ATP2C2: variants seen among roughly 807,000 people sequenced by gnomAD.
ATP2C2 encodes calcium-transporting ATPase type 2C member 2.
Under a neutral mutation model 110.8 loss-of-function variants are expected in ATP2C2, and 171 were observed. That is an observed-to-expected ratio of 1.54 (90% confidence interval 1.36 to 1.75). The LOEUF (loss-of-function observed/expected upper bound fraction) is 1.75. Among genes scored for constraint, ATP2C2 ranks in the 40% most tolerant of loss-of-function variants. The pLI is 0.00. For synonymous variants in ATP2C2, 804 were observed against 508.4 expected (o/e 1.58, Z -7.82); for missense variants, 1,963 against 1,235.0 (o/e 1.59, Z -8.84).
Position 84,428,333 on chromosome 16 carries a change from G to C in ATP2C2, c.986+2532G>C, listed in dbSNP as rs546709065. 7.2e-5 allele frequency among the ~76,000 whole-genome samples: 11 copies of C among 152,360 alleles called. No homozygotes were observed. In the South Asian group the frequency reaches 2.1e-3, roughly 29 times the overall value. Reference sequence around the variant, plus strand: ...ATTAGTAGTAGAAGAGATTCCAAATGCCTTATTTTTTCAACGACACTGCAT... The same window carrying C: ...ATTAGTAGTAGAAGAGATTCCAAATCCCTTATTTTTTCAACGACACTGCAT... On this transcript the variant is annotated intron_variant, in intron 11 of 26. Transcript: ENST00000262429.
At chr16:84,380,562 A>G (rs1910515679) in intron 1 of ATP2C2, among the ~76,000 whole-genome samples, 1 of 152,130 alleles carries the variant, frequency 6.6e-6, no homozygotes, top group Non-Finnish European at 1.5e-5. Flanking sequence ...TAATCAGGTC[A>G]CTGTTTGCTT....
chr16:84,416,971 C>T (rs947704982), intron 7 of ATP2C2, among the ~76,000 whole-genome samples: 1 of 152,156 alleles, frequency 6.6e-6, no homozygotes, highest in Non-Finnish European at 1.5e-5. Context: ...GAGAAGGACA[C>T]AGGTCCGCCA....
intron 6 of ATP2C2, 67 bp from the exon 7 acceptor site, chr16:84,415,416 A>G: frequency 2.4e-6 from 3 of 1,272,102 alleles, no homozygotes; most frequent in Admixed American, 3.4e-5. Flanking sequence ...CCTTGTTCAA[A>G]TGTATCAAGG....
intron 7 of ATP2C2, among the ~76,000 whole-genome samples, chr16:84,420,716 A>C (rs1220516517): frequency 6.6e-6 from 1 of 151,824 alleles, no homozygotes; most frequent in East Asian, 1.9e-4. Flanking sequence ...CCAGGATCCT[A>C]CCTGACATTT....
chr16:84,402,385 C>T (rs1307968465), intron 2 of ATP2C2, among the ~76,000 whole-genome samples: 1 of 152,156 alleles, frequency 6.6e-6, no homozygotes, highest in African/African-American at 2.4e-5. Flanking sequence ...AAGTGGGTAT[C>T]CTACGGGAAA....
intron 13 of ATP2C2, among the ~76,000 whole-genome samples, chr16:84,440,191 GGT>G (rs1909115743): frequency 6.6e-6 from 1 of 152,302 alleles, no homozygotes; most frequent in Admixed American, 6.5e-5. Flanking sequence ...GCAGTGCAGT[GGT>G]GCAATCATGG....
chr16:84,435,010 G>A (rs993181881), intron 11 of ATP2C2, among the ~76,000 whole-genome samples: 2 of 152,318 alleles, frequency 1.3e-5, no homozygotes, highest in East Asian at 1.9e-4. Context: ...TGTAGAAACC[G>A]GGCACAGCCC....
intron 15 of ATP2C2, 80 bp downstream of exon 15, chr16:84,442,679 G>C (rs1236947079): frequency 1.5e-6 from 2 of 1,358,440 alleles, no homozygotes; most frequent in Non-Finnish European, 2.1e-6. Flanking sequence ...GCTCCTGTCT[G>C]AGCTAACAGG....
At position 84,460,684 on chromosome 16, in the gene ATP2C2, C is replaced by T. The variant is rs371079891; in HGVS notation, c.2364C>T (p.Ala788=). The change falls in exon 24 of 27, where the codon GCC becomes GCT. Residue 788 remains alanine (A), a synonymous_variant. Transcript: ENST00000262429. ...GGGTAGAGCCCGTTGACAAAGACGCCTTCAGGCAGCCACCACGGAGTGTGC... is the reference window on the plus strand; with the variant it reads ...GGGTAGAGCCCGTTGACAAAGACGCTTTCAGGCAGCCACCACGGAGTGTGC... ...SLGVEPVDKD[A]FRQPPRSVRD... 5.0e-6 allele frequency: 8 copies of T among 1,614,216 alleles called. No homozygotes were observed. The highest frequency in any genetic ancestry group is 1.6e-4 in the Middle Eastern group (1 of 6,062).
chr16:84,428,190 A>C (rs1298242399), intron 11 of ATP2C2, among the ~76,000 whole-genome samples: 1 of 152,206 alleles, frequency 6.6e-6, no homozygotes, highest in East Asian at 1.9e-4. Flanking sequence ...ATCTTGCTTT[A>C]AGGGTTGAGT....
chr16:84,453,719 C>G (rs1404381421), intron 20 of ATP2C2, among the ~76,000 whole-genome samples: 3 of 152,128 alleles, frequency 2.0e-5, no homozygotes, highest in African/African-American at 7.2e-5. Context: ...CCCCACCAAA[C>G]CTGGGGATAA....
At chr16:84,449,266 C>T (rs1447333586) in intron 17 of ATP2C2, among the ~76,000 whole-genome samples, 5 of 152,234 alleles carry the variant, frequency 3.3e-5, no homozygotes, top group South Asian at 4.1e-4. Context: ...TTTTCCCCTT[C>T]GGGGAACAGA....
At chr16:84,372,667 G>A (rs1415868435) in intron 1 of ATP2C2, among the ~76,000 whole-genome samples, 3 of 151,614 alleles carry the variant, frequency 2.0e-5, no homozygotes, top group South Asian at 2.1e-4. Context: ...CTCATGATCC[G>A]CCTGCCTCAG....
chr16:84,403,323 C>A (rs1387553751), intron 2 of ATP2C2, among the ~76,000 whole-genome samples: 1 of 151,952 alleles, frequency 6.6e-6, no homozygotes, highest in African/African-American at 2.4e-5. Flanking sequence ...TTATTTTTTC[C>A]AAGACATGGT....
At chr16:84,404,357 C>G (rs1431164139) in intron 2 of ATP2C2, 1 of 156,170 alleles carries the variant, frequency 6.4e-6, no homozygotes, top group Non-Finnish European at 1.4e-5. Context: ...CCCTCTCCCT[C>G]CAGCCTCTGA....
chr16:84,414,238 A>G (rs781597849), intron 6 of ATP2C2, among the ~76,000 whole-genome samples: 2 of 152,178 alleles, frequency 1.3e-5, no homozygotes, highest in Non-Finnish European at 2.9e-5. Flanking sequence ...CAGTTGCACA[A>G]ACGCCAAGAA....
intron 6 of ATP2C2, among the ~76,000 whole-genome samples, chr16:84,414,167 A>G (rs992494364): frequency 4.6e-5 from 7 of 152,176 alleles, no homozygotes; most frequent in African/African-American, 1.7e-4. Context: ...CCATGGGAGG[A>G]GCTGAGGGAG....
intron 11 of ATP2C2, among the ~76,000 whole-genome samples, chr16:84,436,660 C>G (rs1351214276): frequency 6.6e-6 from 1 of 152,206 alleles, no homozygotes; most frequent in African/African-American, 2.4e-5. Flanking sequence ...ATCTTCCCCC[C>G]TCCTCAGCCT....
At chr16:84,428,707 A>C (rs1908001594) in intron 11 of ATP2C2, among the ~76,000 whole-genome samples, 1 of 152,222 alleles carries the variant, frequency 6.6e-6, no homozygotes, top group Admixed American at 6.5e-5. Flanking sequence ...CCTTAAAGAA[A>C]AAAAAATCCT....
Sources: gnomAD v4.1 joint callset for allele counts (sites outside exome capture counted in the v4.1 genomes callset) on GRCh38, gnomAD v4.1.1 for gene constraint, MANE v1.5 for transcripts, NCBI Gene and HGNC (gene_info 2026-07-23, HGNC 2026-07-21) for gene names.